ZBTB16: variants seen among roughly 807,000 people sequenced by gnomAD.
The protein encoded by ZBTB16 is zinc finger and BTB domain-containing protein 16.
Under a neutral mutation model 56.8 loss-of-function variants are expected in ZBTB16, and 8 were observed. The ratio of observed to expected loss-of-function variants is 0.14; its 90% CI spans 0.08 to 0.25. The LOEUF (loss-of-function observed/expected upper bound fraction) is 0.25, where lower values mean the gene tolerates loss of function less well. Among genes scored for constraint, ZBTB16 ranks in the 10% least tolerant of loss-of-function variants. The pLI, the probability that ZBTB16 is intolerant of heterozygous loss-of-function variation, is 1.00. For synonymous variants in ZBTB16, 363 were observed against 368.5 expected, an observed-to-expected ratio of 0.98 and a Z score of 0.17; for missense variants, 625 against 903.0, an observed-to-expected ratio of 0.69 and a Z score of 3.95.
At chr11:114,096,793 A>G (rs558329470) in intron 2 of ZBTB16, among the ~76,000 whole-genome samples, 2 of 152,264 alleles carry the variant, frequency 1.3e-5, no homozygotes, top group Admixed American at 6.5e-5. Flanking sequence ...GACATTGTTG[A>G]CTTCAGTTTT....
chr11:114,249,788 A>AAAAAAAAAAAAAAAG (rs909350435), intron 6 of ZBTB16, among the ~76,000 whole-genome samples: 1 of 148,500 alleles, frequency 6.7e-6, no homozygotes, highest in East Asian at 2.0e-4. Flanking sequence ...AAAAAAAAAA[A>AAAAAAAAAAAAAAAG]AGAGAGCTTT....
At chr11:114,103,414 T>A (rs978707159) in intron 2 of ZBTB16, among the ~76,000 whole-genome samples, 4 of 152,206 alleles carry the variant, frequency 2.6e-5, no homozygotes, top group African/African-American at 9.7e-5. Flanking sequence ...CTTTTCCTTT[T>A]TTTGTGAGTA....
intron 2 of ZBTB16, among the ~76,000 whole-genome samples, chr11:114,133,361 T>A (rs1433245599): frequency 6.6e-6 from 1 of 152,124 alleles, no homozygotes; most frequent in African/African-American, 2.4e-5. Context: ...GCCCACTGGA[T>A]CTTCCATTGA....
chr11:114,209,347 C>T (rs1256278407), intron 4 of ZBTB16: 112 of 982,950 alleles, frequency 1.1e-4, no homozygotes, highest in Non-Finnish European at 1.3e-4. Flanking sequence ...AATCCCGTTC[C>T]TTTCTTGATC....
At chr11:114,231,795 A>G (rs1332644014) in intron 4 of ZBTB16, among the ~76,000 whole-genome samples, 1 of 152,168 alleles carries the variant, frequency 6.6e-6, no homozygotes, top group Non-Finnish European at 1.5e-5. Context: ...GCTGACGTCC[A>G]TCTCAGTGGG....
intron 3 of ZBTB16, among the ~76,000 whole-genome samples, chr11:114,181,905 C>A (rs1022846166): frequency 4.6e-5 from 7 of 152,218 alleles, no homozygotes; most frequent in Non-Finnish European, 8.8e-5. Flanking sequence ...CTCCTTGCTC[C>A]TCTTGCCTTG....
In ZBTB16 at chr11:114,233,125, ACTCTCTCT is replaced by A. The variant is rs34864436; in HGVS notation, c.1454-9036_1454-9029del. ...CACACACACACACACACACACACACACTCTCTCTCTCTCACACTCCCTTTCCTTCTTCC... is the reference window on the plus strand; with the variant it reads ...CACACACACACACACACACACACACACTCTCACACTCCCTTTCCTTCTTCC... On this transcript the variant is annotated intron_variant, in intron 4 of 6. Coordinates refer to ENST00000335953, the MANE Select transcript of ZBTB16 (RefSeq NM_006006.6). Among the ~76,000 whole-genome samples, 197 of 54,748 alleles carry A rather than the reference ACTCTCTCT, an allele frequency of 3.6e-3. 2 individuals are homozygous for A. The highest frequency in any genetic ancestry group is 9.6e-3 in the African/African-American group (186 of 19,440). 35.9% of individuals were successfully genotyped at this position (54,748 alleles called of 152,430 possible).
intron 2 of ZBTB16, among the ~76,000 whole-genome samples, chr11:114,097,935 T>C (rs1315008787): frequency 6.6e-6 from 1 of 152,180 alleles, no homozygotes; most frequent in African/African-American, 2.4e-5. Flanking sequence ...ATTTGCAAAA[T>C]GTCTGAAAAT....
chr11:114,242,416 AGGT>A (rs1944728232), intron 5 of ZBTB16, 79 bp downstream of exon 5: 2 of 1,567,660 alleles, frequency 1.3e-6, no homozygotes, highest in African/African-American at 2.7e-5. Context: ...CGTAAAGTGG[AGGT>A]GGTGGGCTGA....
chr11:114,182,759 G>A (rs1365334725), intron 3 of ZBTB16, among the ~76,000 whole-genome samples: 10 of 152,268 alleles, frequency 6.6e-5, no homozygotes, highest in African/African-American at 2.2e-4. Context: ...TGATGTCACC[G>A]TAATGCATTT....
At chr11:114,229,338 C>T (rs1419232188) in intron 4 of ZBTB16, among the ~76,000 whole-genome samples, 1 of 152,138 alleles carries the variant, frequency 6.6e-6, no homozygotes, top group Admixed American at 6.5e-5. Context: ...CTGATTAAAT[C>T]GGATTTGTGG....
intron 3 of ZBTB16, among the ~76,000 whole-genome samples, chr11:114,181,237 C>A (rs761200336): frequency 6.6e-6 from 1 of 152,200 alleles, no homozygotes; most frequent in Admixed American, 6.5e-5. Context: ...ATGGTAGCTG[C>A]GACTTACTGG....
chr11:114,083,076 G>A (rs954792495), intron 2 of ZBTB16, among the ~76,000 whole-genome samples: 2 of 152,214 alleles, frequency 1.3e-5, no homozygotes, highest in Admixed American at 6.5e-5. Flanking sequence ...GGAGCGGGCC[G>A]GCCTTGGAAA....
chr11:114,099,711 C>T (rs751982170), intron 2 of ZBTB16, among the ~76,000 whole-genome samples: 8 of 152,172 alleles, frequency 5.3e-5, no homozygotes, highest in African/African-American at 9.7e-5. Flanking sequence ...AGAAGGGAGA[C>T]AGGCTAGGTC....
chr11:114,147,567 G>A (rs1371907402), intron 2 of ZBTB16, among the ~76,000 whole-genome samples: 1 of 152,168 alleles, frequency 6.6e-6, no homozygotes, highest in Non-Finnish European at 1.5e-5. Context: ...ACATCATCAA[G>A]CATGCATCAT....
chr11:114,185,205 T>A (rs1943334007), intron 3 of ZBTB16, among the ~76,000 whole-genome samples: 1 of 151,958 alleles, frequency 6.6e-6, no homozygotes, highest in South Asian at 2.1e-4. Flanking sequence ...AGAGACCCTA[T>A]CTCAAAAACA....
intron 2 of ZBTB16, among the ~76,000 whole-genome samples, chr11:114,115,274 G>C (rs897553436): frequency 4.0e-5 from 6 of 150,958 alleles, no homozygotes; most frequent in Admixed American, 2.0e-4. Context: ...TGTTTGGTCT[G>C]TTGCCTCTCC....
chr11:114,210,026 T>G (rs562815994), intron 4 of ZBTB16: 1 of 946,478 alleles, frequency 1.1e-6, no homozygotes, highest in South Asian at 4.9e-5. Flanking sequence ...GTTTCCTCAT[T>G]GGTAGAAGAG....
intron 2 of ZBTB16, among the ~76,000 whole-genome samples, chr11:114,150,978 G>T (rs983850261): frequency 2.6e-5 from 4 of 152,232 alleles, no homozygotes; most frequent in Admixed American, 6.5e-5. Flanking sequence ...GTAAGTAGAT[G>T]ATCTTGGAGA....
Sources: gnomAD v4.1 joint callset for allele counts (sites outside exome capture counted in the v4.1 genomes callset) on GRCh38, gnomAD v4.1.1 for gene constraint, MANE v1.5 for transcripts, NCBI Gene and HGNC (gene_info 2026-07-23, HGNC 2026-07-21) for gene names.